Variants in KANK1 observed in about 807,000 individuals in gnomAD.
KANK1 encodes KN motif and ankyrin repeat domain-containing protein 1.
Under a neutral mutation model 106.2 loss-of-function variants are expected in KANK1, and 109 were observed. The ratio of observed to expected loss-of-function variants is 1.03; its 90% CI spans 0.88 to 1.20. The LOEUF (loss-of-function observed/expected upper bound fraction) is 1.20. KANK1 is among the 50% of genes most tolerant of loss of function. KANK1 has a pLI of 0.00. For synonymous variants in KANK1, 873 were observed against 652.2 expected (o/e 1.34, Z -5.16); for missense variants, 2,399 against 1,710.7 (o/e 1.40, Z -7.10).
intron 7 of KANK1, 108 bp downstream of exon 7, chr9:734,943 C>T (rs1276301998): frequency 6.5e-6 from 5 of 773,574 alleles, no homozygotes; most frequent in Non-Finnish European, 1.1e-5. Context: ...ATGCTTTTCT[C>T]CTGAACTGTT....
Position 744,120 on chromosome 9 carries a change from T to C in KANK1, c.3898-371T>C, listed in dbSNP as rs544535750. On this transcript the variant is annotated intron_variant, in intron 10 of 11. Coordinates refer to ENST00000382297, the MANE Select transcript of KANK1 (RefSeq NM_015158.5). ...ACAGTGCCCTCTCTAAGAGGAAAGG[T>C]AAAAGATCTTTGGCAAATTGCAGAG... Among the ~76,000 whole-genome samples, 8 of 152,232 alleles carry C rather than the reference T, an allele frequency of 5.3e-5. No individual in the cohort carries two copies. In the South Asian group the frequency reaches 1.7e-3, roughly 32 times the overall value.
intron 1 of KANK1, among the ~76,000 whole-genome samples, chr9:663,609 T>C (rs191106130): frequency 6.6e-6 from 1 of 152,340 alleles, no homozygotes; most frequent in East Asian, 1.9e-4. Context: ...GCAGAACAGC[T>C]GATTTTCCGC....
chr9:619,578 C>T (rs1411190758), intron 1 of KANK1, among the ~76,000 whole-genome samples: 1 of 152,084 alleles, frequency 6.6e-6, no homozygotes, highest in East Asian at 1.9e-4. Flanking sequence ...GATAATAGCT[C>T]TTCAGCATTC....
At chr9:695,634 G>A (rs1047687195) in intron 2 of KANK1, among the ~76,000 whole-genome samples, 1 of 151,748 alleles carries the variant, frequency 6.6e-6, no homozygotes, top group Non-Finnish European at 1.5e-5. Context: ...GTATAGAGGA[G>A]GAAGGGTTCT....
chr9:661,156 G>C (rs1843213928), intron 1 of KANK1, among the ~76,000 whole-genome samples: 1 of 151,998 alleles, frequency 6.6e-6, no homozygotes, highest in African/African-American at 2.4e-5. Context: ...TTAAGTTCTA[G>C]GGTACATGTG....
chr9:514,961 G>A (rs2059212694), intron 1 of KANK1, among the ~76,000 whole-genome samples: 1 of 151,724 alleles, frequency 6.6e-6, no homozygotes, highest in Admixed American at 6.5e-5. Context: ...TGGTAAACGT[G>A]TGTTATTGAT....
At chr9:574,159 A>G (rs767449263) in intron 1 of KANK1, among the ~76,000 whole-genome samples, 3 of 152,210 alleles carry the variant, frequency 2.0e-5, no homozygotes, top group Non-Finnish European at 4.4e-5. Flanking sequence ...TGAAAAGCGC[A>G]GCTCGCACCC....
At chr9:696,086 C>G (rs975570949) in intron 2 of KANK1, among the ~76,000 whole-genome samples, 1 of 152,106 alleles carries the variant, frequency 6.6e-6, no homozygotes, top group African/African-American at 2.4e-5. Context: ...AGATCGAGAC[C>G]ATCCTGGCTA....
At chr9:577,717 A>G (rs1325567660) in intron 1 of KANK1, among the ~76,000 whole-genome samples, 2 of 152,184 alleles carry the variant, frequency 1.3e-5, no homozygotes, top group Non-Finnish European at 2.9e-5. Flanking sequence ...AACCTCTTGA[A>G]TCAGAAATTC....
chr9:741,520 T>C (rs1462111676), intron 9 of KANK1, among the ~76,000 whole-genome samples: 3 of 141,162 alleles, frequency 2.1e-5, no homozygotes, highest in Non-Finnish European at 3.1e-5. Flanking sequence ...CTAAGTCTCA[T>C]TCTGTCACCC....
intron 3 of KANK1, among the ~76,000 whole-genome samples, chr9:479,639 T>C (rs559793063): frequency 3.4e-4 from 52 of 152,238 alleles, no homozygotes; most frequent in Non-Finnish European, 4.6e-4. Context: ...TTTTCAAAAA[T>C]ATGTAAGAAT....
intron 1 of KANK1, among the ~76,000 whole-genome samples, chr9:509,004 C>T (rs1189070812): frequency 6.6e-6 from 1 of 152,198 alleles, no homozygotes; most frequent in Non-Finnish European, 1.5e-5. Context: ...AGAGTTTATA[C>T]TTCTACCCGT....
intron 1 of KANK1, among the ~76,000 whole-genome samples, chr9:662,443 T>C (rs1843549104): frequency 6.6e-6 from 1 of 152,110 alleles, no homozygotes; most frequent in Non-Finnish European, 1.5e-5. Flanking sequence ...AAGGCTTCGG[T>C]AACCAAAACA....
At chr9:479,358 A>G (rs2132128630) in intron 3 of KANK1, among the ~76,000 whole-genome samples, 1 of 152,358 alleles carries the variant, frequency 6.6e-6, no homozygotes, top group East Asian at 1.9e-4. Flanking sequence ...AGAACCACGC[A>G]GCCCTGAGGG....
intron 1 of KANK1, among the ~76,000 whole-genome samples, chr9:598,615 G>GTTTTCTTTT: frequency 1.4e-5 from 1 of 73,332 alleles, no homozygotes; most frequent in East Asian, 4.3e-4. Context: ...TGTTTTGTTG[G>GTTTTCTTTT]TTTTCTTTTT....
At position 730,263 on chromosome 9, in the gene KANK1, TCA is replaced by T; in HGVS notation, c.2896+18_2896+19del. The T allele has an allele frequency of 6.2e-7, 1 of 1,612,920 alleles. No homozygotes were observed. On this transcript the variant is annotated intron_variant, in intron 4 of 11. Coordinates refer to ENST00000382297, the MANE Select transcript of KANK1 (RefSeq NM_015158.5). ...TGGCCTCTATGGTAACTTTTCTCAC[TCA>T]CAGTCATTGGCATCAGGATTCTAGG... is the stretch of plus-strand genomic sequence containing the variant.
At position 486,627 on chromosome 9, in the gene KANK1, CT is replaced by C. The variant is rs1420782808; in HGVS notation, c.-362+13355del. Among the ~76,000 whole-genome samples, 3 of 152,316 alleles carry C rather than the reference CT, an allele frequency of 2.0e-5. No homozygotes were observed. In the South Asian group the frequency reaches 6.2e-4, roughly 32 times the overall value. ...CCACACTCTTAATCTGTGCACTGTACTGCCTTTTATAAATAAAAATTAATCT... is the reference window on the plus strand; with the variant it reads ...CCACACTCTTAATCTGTGCACTGTACGCCTTTTATAAATAAAAATTAATCT... On this transcript the variant is annotated intron_variant, in intron 3 of 15. Transcript: ENST00000382303.
chr9:626,728 A>G (rs1834432421), intron 1 of KANK1, among the ~76,000 whole-genome samples: 1 of 152,354 alleles, frequency 6.6e-6, no homozygotes, highest in South Asian at 2.1e-4. Context: ...AGGACAGAAT[A>G]TATTTGTGCT....
chr9:654,181 G>T (rs1357233758), intron 1 of KANK1, among the ~76,000 whole-genome samples: 2 of 152,176 alleles, frequency 1.3e-5, no homozygotes, highest in Non-Finnish European at 2.9e-5. Context: ...TACCTGAAGA[G>T]TCTCTGATTC....
Sources: gnomAD v4.1 joint callset for allele counts (sites outside exome capture counted in the v4.1 genomes callset) on GRCh38, gnomAD v4.1.1 for gene constraint, MANE v1.5 for transcripts, NCBI Gene and HGNC (gene_info 2026-07-23, HGNC 2026-07-21) for gene names.